The following ZNF451 variants were observed in gnomAD, a reference collection of about 807,000 sequenced individuals.
ZNF451 encodes the protein E3 SUMO-protein ligase ZNF451.
Under a neutral mutation model 107.1 loss-of-function variants are expected in ZNF451, and 80 were observed. The ratio of observed to expected loss-of-function variants is 0.75; its 90% CI spans 0.62 to 0.90. The LOEUF is 0.90. Ranked by LOEUF, ZNF451 falls within the 40% of genes least tolerant of loss-of-function variation. The probability of loss-of-function intolerance (pLI) is 0.00; values close to 1 mark genes in which losing one functional copy is unlikely to be tolerated. For missense variants in ZNF451, 1,107 were observed against 1,236.2 expected (o/e 0.90, Z 1.57); for synonymous variants, 362 against 406.5 (o/e 0.89, Z 1.32).
At chr6:57,101,400 A>T in intron 3 of ZNF451, 2 of 1,550,722 alleles carry the variant, frequency 1.3e-6, no homozygotes, top group Non-Finnish European at 1.7e-6. Flanking sequence ...GACACAGGGT[A>T]TATCCTGTGG....
At chr6:57,116,670 T>C (rs942078534) in intron 3 of ZNF451, 1 of 152,176 alleles carries the variant, frequency 6.6e-6, no homozygotes, top group Non-Finnish European at 1.5e-5. Context: ...AGTTTCTCAG[T>C]TCAAAATTGG....
intron 3 of ZNF451, 92 bp downstream of exon 3, chr6:57,099,233 T>C: frequency 9.8e-7 from 1 of 1,020,698 alleles, no homozygotes; most frequent in Non-Finnish European, 1.5e-6. Context: ...AAGGCTGTGT[T>C]TAGAAATAGC....
intron 13 of ZNF451, among the ~76,000 whole-genome samples, chr6:57,157,691 T>C (rs975685981): frequency 2.0e-5 from 3 of 152,216 alleles, no homozygotes; most frequent in Non-Finnish European, 2.9e-5. Flanking sequence ...ATTGTACTTA[T>C]CCTCACTTTC....
At chr6:57,133,824 C>T (rs764327304) in intron 6 of ZNF451, among the ~76,000 whole-genome samples, 8 of 152,006 alleles carry the variant, frequency 5.3e-5, no homozygotes, top group Non-Finnish European at 7.4e-5. Flanking sequence ...ACAGGTTGTG[C>T]GCCACCACAC....
rs759755362 is a variant in ZNF451 at position 57,148,457 on chromosome 6, G to T, written c.2372G>T (p.Cys791Phe). 6 of 1,613,882 alleles carry T rather than the reference G, an allele frequency of 3.7e-6. No individual in the cohort carries two copies. The highest frequency in any genetic ancestry group is 5.1e-6 in the Non-Finnish European group (6 of 1,179,948). ...DEEEQQYVIK[C>F]GTCTKAFHDP... ...GAGGAGCAGCAGTATGTAATCAAGT[G>T]TGGCACCTGCACCAAAGCATTTCAT... The change falls in exon 10 of 15, where the codon TGT becomes TTT. Residue 791 changes from cysteine to phenylalanine, a missense_variant. By Grantham distance (205) the Cys-to-Phe change is radical. Coordinates refer to ENST00000370706, the MANE Select transcript of ZNF451 (RefSeq NM_001031623.3).
At chr6:57,114,151 T>G (rs1165273132) in intron 3 of ZNF451, among the ~76,000 whole-genome samples, 1 of 152,212 alleles carries the variant, frequency 6.6e-6, no homozygotes, top group African/African-American at 2.4e-5. Flanking sequence ...AGCTTCCTTT[T>G]GAGCACATTT....
intron 13 of ZNF451, chr6:57,160,737 T>G (rs1160542553): frequency 1.2e-5 from 2 of 170,792 alleles, no homozygotes; most frequent in Non-Finnish European, 2.5e-5. Flanking sequence ...AGTTTTGCAG[T>G]GCCTTTTCAG....
chr6:57,123,707 G>T (rs1055281534), intron 3 of ZNF451, among the ~76,000 whole-genome samples: 2 of 151,968 alleles, frequency 1.3e-5, no homozygotes, highest in African/African-American at 4.8e-5. Context: ...TTTCATTATA[G>T]TTTTGTAGTT....
intron 5 of ZNF451, among the ~76,000 whole-genome samples, chr6:57,131,148 A>G (rs1831159367): frequency 6.6e-6 from 1 of 152,168 alleles, no homozygotes; most frequent in Non-Finnish European, 1.5e-5. Flanking sequence ...CTCAGCTGTT[A>G]TAATTCAGTT....
intron 3 of ZNF451, chr6:57,101,346 G>A: frequency 6.4e-7 from 1 of 1,550,506 alleles, no homozygotes; most frequent in East Asian, 2.4e-5. Flanking sequence ...CCACCACTGA[G>A]GTTTTTAAAG....
intron 7 of ZNF451, among the ~76,000 whole-genome samples, chr6:57,138,741 ATGTGTGTGTGTGTGTGTGTGTGTGTGTG>A (rs1185366526): frequency 2.1e-5 from 1 of 46,600 alleles, no homozygotes; most frequent in Non-Finnish European, 3.6e-5. Context: ...ATATATATAT[ATGTGTGTGTGTGTGTGTGTGTGTGTGTG>A]TGTGTGTATA....
intron 3 of ZNF451, chr6:57,115,539 G>A (rs1365357409): frequency 6.6e-6 from 1 of 152,150 alleles, no homozygotes; most frequent in Non-Finnish European, 1.5e-5. Flanking sequence ...GGATACAACC[G>A]AAATTTGCTC....
chr6:57,141,362 T>A lies in ZNF451; in HGVS notation c.763T>A (p.Cys255Ser). ...TCCTCAGATTATTCAGTGTTTTGCA[T>A]GTCCAAATTGCTTCCTTCTTTTTAG... ...LLPQIIQCFA[C>S]PNCFLLFSRK... The change falls in exon 8 of 15, where the codon TGT becomes AGT. Residue 255 changes from cysteine to serine, a missense_variant. Physicochemically the swap from Cys to Ser is moderately radical, Grantham distance 112. Around this residue, in one of 5 missense-constraint regions of ZNF451, gnomAD observed 339 missense variants for 372.8 expected, o/e 0.91. Coordinates refer to ENST00000370706, the MANE Select transcript of ZNF451 (RefSeq NM_001031623.3). 6.2e-7 allele frequency: 1 copy of A among 1,613,406 alleles called. No homozygotes were observed. Among genetic ancestry groups the A allele is most frequent in the East Asian group, 2.2e-5 (1 of 44,760 alleles).
At chr6:57,130,628 C>T (rs1831139400) in intron 5 of ZNF451, among the ~76,000 whole-genome samples, 1 of 152,098 alleles carries the variant, frequency 6.6e-6, no homozygotes, top group African/African-American at 2.4e-5. Flanking sequence ...GGTAGTCGGG[C>T]CAGTAATATG....
rs1415815937 is a variant in ZNF451, at chr6:57,152,085, A to C, written c.2753-136A>C. The C allele has an allele frequency of 6.1e-6, 4 of 657,174 alleles. No individual in the cohort carries two copies. The Admixed American group carries it at 1.3e-4, about 22-fold the overall frequency. 40.7% of individuals were successfully genotyped at this position (657,174 alleles called of 1,614,324 possible). On this transcript the variant is annotated intron_variant, in intron 11 of 14. Transcript: ENST00000370706. Reference sequence around the variant, plus strand: ...ACAAGATGTTGATGCTTATGCTAGGATGGAGTTCTTCCACATTCTGATCTA... The same window carrying C: ...ACAAGATGTTGATGCTTATGCTAGGCTGGAGTTCTTCCACATTCTGATCTA...
chr6:57,160,095 G>A (rs1030867371), intron 13 of ZNF451, among the ~76,000 whole-genome samples: 1 of 152,076 alleles, frequency 6.6e-6, no homozygotes, highest in African/African-American at 2.4e-5. Context: ...TTATTTTTCA[G>A]TATGGTTTTA....
At chr6:57,158,393 T>G (rs1384932021) in intron 13 of ZNF451, 1 of 451,004 alleles carries the variant, frequency 2.2e-6, no homozygotes, top group East Asian at 1.6e-4. Context: ...ATGATTTGGT[T>G]GTGAGTTCTG....
At chr6:57,101,771 C>A (rs1370179355) in intron 3 of ZNF451, 1 of 1,550,504 alleles carries the variant, frequency 6.4e-7, no homozygotes, top group Admixed American at 2.0e-5. Context: ...ATGGCCATGG[C>A]CATAGACTAT....
At chr6:57,140,015 C>T (rs1458681290) in intron 7 of ZNF451, among the ~76,000 whole-genome samples, 1 of 151,564 alleles carries the variant, frequency 6.6e-6, no homozygotes, top group Non-Finnish European at 1.5e-5. Flanking sequence ...AGAGTGAGCT[C>T]GTGTCTCAAA....
Sources: gnomAD v4.1 joint callset for allele counts (sites outside exome capture counted in the v4.1 genomes callset) on GRCh38, gnomAD v4.1.1 for gene constraint, gnomAD v4.1.1 regional missense constraint, MANE v1.5 for transcripts, NCBI Gene and HGNC (gene_info 2026-07-23, HGNC 2026-07-21) for gene names.